The following SAMMSON variants were observed in gnomAD, a reference collection of about 807,000 sequenced individuals.
SAMMSON encodes survival associated mitochondrial melanoma specific oncogenic non-coding RNA.
chr3:70,422,612 A>AT (rs1406632894), intron 2 of SAMMSON, among the ~76,000 whole-genome samples: 1 of 151,886 alleles, frequency 6.6e-6, no homozygotes, highest in East Asian at 1.9e-4. Context: ...AGACTTTCTC[A>AT]TTTTTTTCTG....
At chr3:70,089,234 G>A (rs1461802536) in intron 4 of SAMMSON, among the ~76,000 whole-genome samples, 1 of 152,096 alleles carries the variant, frequency 6.6e-6, no homozygotes, top group Non-Finnish European at 1.5e-5. Context: ...ACTAAAGTAA[G>A]CTAATACATA....
intron 4 of SAMMSON, among the ~76,000 whole-genome samples, chr3:70,234,487 A>C (rs939820800): frequency 6.6e-6 from 1 of 152,040 alleles, no homozygotes. Context: ...CATCTCTACA[A>C]AAAATAGAAT....
At chr3:70,235,500 C>T (rs1035539764) in intron 4 of SAMMSON, among the ~76,000 whole-genome samples, 1 of 152,212 alleles carries the variant, frequency 6.6e-6, no homozygotes, top group East Asian at 1.9e-4. Flanking sequence ...ATGTTAAACA[C>T]ATGAATACAT....
chr3:70,272,575 G>T (rs2106673067), intron 6 of SAMMSON, among the ~76,000 whole-genome samples: 1 of 152,294 alleles, frequency 6.6e-6, no homozygotes. Flanking sequence ...TCCCGTACAG[G>T]TCTTTACGTG....
chr3:70,067,342 TAATTTTAA>T (rs1318500005), intron 3 of SAMMSON, among the ~76,000 whole-genome samples: 1 of 152,108 alleles, frequency 6.6e-6, no homozygotes, highest in Non-Finnish European at 1.5e-5. Flanking sequence ...TCAAATAATT[TAATTTTAA>T]AATTTTAAGT....
chr3:70,227,661 A>C (rs1023617210), intron 4 of SAMMSON, among the ~76,000 whole-genome samples: 2 of 152,332 alleles, frequency 1.3e-5, no homozygotes, highest in South Asian at 2.1e-4. Flanking sequence ...TAATAATACT[A>C]CTTAACAATT....
chr3:70,392,976 T>C (rs779813113), downstream of SAMMSON, among the ~76,000 whole-genome samples: 1 of 152,154 alleles, frequency 6.6e-6, no homozygotes, highest in African/African-American at 2.4e-5. Context: ...TTTTTGCACA[T>C]TTTGGGATCT....
At chr3:70,262,071 C>T (rs998167262) in intron 6 of SAMMSON, among the ~76,000 whole-genome samples, 4 of 152,132 alleles carry the variant, frequency 2.6e-5, no homozygotes, top group Admixed American at 6.6e-5. Flanking sequence ...GTCAATCTCA[C>T]GATAAAGCCT....
intron 4 of SAMMSON, among the ~76,000 whole-genome samples, chr3:70,132,414 G>A (rs961916323): frequency 6.6e-6 from 1 of 152,124 alleles, no homozygotes; most frequent in African/African-American, 2.4e-5. Flanking sequence ...CTGTGTACAT[G>A]TTAGCCTACT....
At chr3:70,095,929 C>T (rs1044226919) in intron 4 of SAMMSON, 1 of 152,182 alleles carries the variant, frequency 6.6e-6, no homozygotes, top group African/African-American at 2.4e-5. Flanking sequence ...TTACCACAAA[C>T]TTAGAGTCTG....
chr3:70,211,051 G>C (rs1487525363), intron 4 of SAMMSON, among the ~76,000 whole-genome samples: 1 of 152,020 alleles, frequency 6.6e-6, no homozygotes, highest in Non-Finnish European at 1.5e-5. Flanking sequence ...ATGTGACTTT[G>C]TAATTTTTGC....
intron 6 of SAMMSON, among the ~76,000 whole-genome samples, chr3:70,289,658 C>G (rs1702209965): frequency 6.6e-6 from 1 of 151,886 alleles, no homozygotes; most frequent in African/African-American, 2.4e-5. Flanking sequence ...AGAGTGTTTT[C>G]CAACTTGGTT....
At chr3:70,194,183 AT>A (rs1474636661) in intron 4 of SAMMSON, among the ~76,000 whole-genome samples, 2 of 152,210 alleles carry the variant, frequency 1.3e-5, no homozygotes, top group African/African-American at 2.4e-5. Flanking sequence ...AGGAAAAAAA[AT>A]GTCTGTTCCT....
At chr3:70,001,405 T>G (rs1373018050) in intron 1 of SAMMSON, among the ~76,000 whole-genome samples, 1 of 151,418 alleles carries the variant, frequency 6.6e-6, no homozygotes, top group African/African-American at 2.4e-5. Context: ...CTTGCCCTCA[T>G]GGAACTTAGG....
intron 4 of SAMMSON, among the ~76,000 whole-genome samples, chr3:70,089,649 C>T (rs562038038): frequency 2.6e-4 from 40 of 152,122 alleles, no homozygotes; most frequent in Admixed American, 1.2e-3. Flanking sequence ...CGTGTCAGAA[C>T]GGCACCTACC....
chr3:70,418,485 G>A (rs1164319158), intron 2 of SAMMSON, among the ~76,000 whole-genome samples: 1 of 152,184 alleles, frequency 6.6e-6, no homozygotes, highest in East Asian at 1.9e-4. Flanking sequence ...AGCCCATCCT[G>A]AGTTTCCAGT....
intron 3 of SAMMSON, among the ~76,000 whole-genome samples, chr3:70,043,732 G>T (rs1241913079): frequency 6.6e-6 from 1 of 152,048 alleles, no homozygotes; most frequent in Non-Finnish European, 1.5e-5. Context: ...TCAGTCTTTT[G>T]TGTTGGTTTT....
At chr3:70,085,538 G>A (rs1000458661) in intron 4 of SAMMSON, among the ~76,000 whole-genome samples, 1 of 152,162 alleles carries the variant, frequency 6.6e-6, no homozygotes, top group African/African-American at 2.4e-5. Context: ...ATTTGAGTAA[G>A]TCTTCCATTA....
chr3:70,421,153 T>TA (rs1701308745), intron 2 of SAMMSON, among the ~76,000 whole-genome samples: 1 of 152,134 alleles, frequency 6.6e-6, no homozygotes, highest in African/African-American at 2.4e-5. Context: ...CTTGCTCAGT[T>TA]ACAGTTAGTA....
Sources: allele counts gnomAD v4.1 joint callset (sites outside exome capture counted in the v4.1 genomes callset), GRCh38; gene constraint gnomAD v4.1.1; transcripts MANE v1.5; gene names NCBI Gene and HGNC (gene_info 2026-07-23, HGNC 2026-07-21).